The following ACVR2A variants were observed in gnomAD, a reference collection of about 807,000 sequenced individuals.
The protein encoded by ACVR2A is activin receptor type-2A.
In ACVR2A, 7 loss-of-function variants were observed where a neutral mutation model predicts 61.4. That is an observed-to-expected ratio of 0.11 (90% confidence interval 0.06 to 0.21). The LOEUF (loss-of-function observed/expected upper bound fraction) is 0.21, where lower values mean the gene tolerates loss of function less well. Among genes scored for constraint, ACVR2A ranks in the 10% least tolerant of loss-of-function variants. ACVR2A has a pLI of 1.00. For synonymous variants in ACVR2A, 193 were observed against 208.3 expected (o/e 0.93, Z 0.63); for missense variants, 322 against 621.7 (o/e 0.52, Z 5.13).
upstream of ACVR2A, chr2:147,844,708 T>C (rs1391416691): frequency 7.0e-6 from 1 of 143,160 alleles, no homozygotes; most frequent in Non-Finnish European, 1.5e-5. Flanking sequence ...GGGTTGAAGG[T>C]CGGTCCGGAC....
chr2:147,921,319 G>C (rs1221870911), intron 8 of ACVR2A, among the ~76,000 whole-genome samples: 1 of 152,108 alleles, frequency 6.6e-6, no homozygotes, highest in African/African-American at 2.4e-5. Context: ...ATAGGCGTGA[G>C]CCACCACGCC....
intron 1 of ACVR2A, among the ~76,000 whole-genome samples, chr2:147,855,552 T>C (rs537227255): frequency 6.6e-6 from 1 of 152,184 alleles, no homozygotes; most frequent in Non-Finnish European, 1.5e-5. Context: ...GTTGCATCAG[T>C]GTAAGCTAGA....
rs894658366 is a variant in ACVR2A at position 147,929,662 on chromosome 2, T to C, written c.*2388T>C. On this transcript the variant is annotated 3_prime_UTR_variant, in exon 11 of 11. Coordinates refer to ENST00000241416, the MANE Select transcript of ACVR2A (RefSeq NM_001616.5). Reference sequence around the variant, plus strand: ...CTTGTTAAAACTTTCTTTTGCAGGGTATTTAGTGTTTGGTTTACAGTCAGT... The same window carrying C: ...CTTGTTAAAACTTTCTTTTGCAGGGCATTTAGTGTTTGGTTTACAGTCAGT... The C allele has an allele frequency of 6.6e-6, 1 of 152,160 alleles. No individual in the cohort carries two copies. Among genetic ancestry groups the C allele is most frequent in the African/African-American group, 2.4e-5 (1 of 41,306 alleles). 9.4% of individuals were successfully genotyped at this position (152,160 alleles called of 1,614,324 possible).
chr2:147,918,675 T>C, intron 7 of ACVR2A, 83 bp downstream of exon 7: 1 of 1,252,628 alleles, frequency 8.0e-7, no homozygotes, highest in Non-Finnish European at 1.1e-6. Flanking sequence ...TTTTAATTTT[T>C]CCTTTGTTAT....
chr2:147,868,052 A>C (rs1007404574), intron 1 of ACVR2A, among the ~76,000 whole-genome samples: 1 of 151,908 alleles, frequency 6.6e-6, no homozygotes, highest in Admixed American at 6.6e-5. Context: ...TATTTTCTCT[A>C]CTTCTCTCTC....
chr2:147,844,677 G>A (rs1685252811), upstream of ACVR2A: 2 of 152,556 alleles, frequency 1.3e-5, no homozygotes, highest in African/African-American at 2.4e-5. Flanking sequence ...GCCGCCAGTG[G>A]TCCTCGGACT....
chr2:147,884,245 G>A (rs923106601), intron 1 of ACVR2A, among the ~76,000 whole-genome samples: 2 of 151,954 alleles, frequency 1.3e-5, no homozygotes, highest in African/African-American at 4.8e-5. Flanking sequence ...CCTTCTCCCC[G>A]CAAAGAAGAA....
chr2:147,885,819 CTAAAT>C (rs1686417309), intron 1 of ACVR2A, among the ~76,000 whole-genome samples: 1 of 151,810 alleles, frequency 6.6e-6, no homozygotes. Context: ...ATTCATAAGA[CTAAAT>C]TAATAAAAGT....
chr2:147,855,905 C>T (rs1195218186), intron 1 of ACVR2A, among the ~76,000 whole-genome samples: 1 of 152,048 alleles, frequency 6.6e-6, no homozygotes, highest in African/African-American at 2.4e-5. Context: ...TTTCAGGTGT[C>T]TATTTTTTTC....
intron 1 of ACVR2A, among the ~76,000 whole-genome samples, chr2:147,856,188 A>G (rs1171714571): frequency 6.6e-6 from 1 of 152,192 alleles, no homozygotes; most frequent in Non-Finnish European, 1.5e-5. Flanking sequence ...TGTTGGTGGT[A>G]AAGAGGTGGT....
At chr2:147,916,786 GC>G (rs1687258406) in intron 5 of ACVR2A, among the ~76,000 whole-genome samples, 1 of 151,888 alleles carries the variant, frequency 6.6e-6, no homozygotes, top group Admixed American at 6.6e-5. Context: ...GCATATCTTT[GC>G]CCCTTGCTTT....
chr2:147,878,780 C>T (rs912245529), intron 1 of ACVR2A, among the ~76,000 whole-genome samples: 1 of 152,014 alleles, frequency 6.6e-6, no homozygotes, highest in African/African-American at 2.4e-5. Flanking sequence ...GTGGTGGCAG[C>T]CACCTGCAGT....
chr2:147,852,091 A>T (rs928545063), intron 1 of ACVR2A, among the ~76,000 whole-genome samples: 4 of 152,088 alleles, frequency 2.6e-5, no homozygotes, highest in South Asian at 4.1e-4. Context: ...AAATTTTTTT[A>T]AATAATTAAA....
intron 1 of ACVR2A, among the ~76,000 whole-genome samples, chr2:147,847,015 T>G (rs546707063): frequency 2.8e-4 from 43 of 152,234 alleles, no homozygotes; most frequent in African/African-American, 9.4e-4. Context: ...TCTTACAGCT[T>G]CTTCTGCTTG....
chr2:147,925,838 C>T (rs753486583), intron 9 of ACVR2A, 193 bp from the exon 10 acceptor site: 130 of 509,184 alleles, frequency 2.6e-4, no homozygotes, highest in Non-Finnish European at 3.9e-4. Context: ...AAATTATAGG[C>T]CTTTTCATTT....
intron 1 of ACVR2A, among the ~76,000 whole-genome samples, chr2:147,873,357 C>A (rs886548302): frequency 1.3e-5 from 2 of 151,888 alleles, no homozygotes; most frequent in Non-Finnish European, 2.9e-5. Flanking sequence ...TTCAGAATAT[C>A]ATTTCAATGC....
At chr2:147,857,386 C>A (rs1212439506) in intron 1 of ACVR2A, among the ~76,000 whole-genome samples, 1 of 151,844 alleles carries the variant, frequency 6.6e-6, no homozygotes, top group East Asian at 1.9e-4. Context: ...CTCACTAAGC[C>A]AGAGCACAGA....
intron 4 of ACVR2A, among the ~76,000 whole-genome samples, chr2:147,912,221 T>G (rs541177902): frequency 2.6e-5 from 4 of 152,076 alleles, no homozygotes; most frequent in Admixed American, 1.3e-4. Flanking sequence ...GGAGATTACT[T>G]TTTACCAGGT....
intron 1 of ACVR2A, among the ~76,000 whole-genome samples, chr2:147,851,265 T>A (rs528835745): frequency 6.6e-6 from 1 of 152,258 alleles, no homozygotes; most frequent in East Asian, 1.9e-4. Context: ...CTATTTTTTC[T>A]AACCTCTTGG....
Sources: gnomAD v4.1 joint callset for allele counts (sites outside exome capture counted in the v4.1 genomes callset) on GRCh38, gnomAD v4.1.1 for gene constraint, MANE v1.5 for transcripts, NCBI Gene and HGNC (gene_info 2026-07-23, HGNC 2026-07-21) for gene names.